SHISA9: variants seen among roughly 807,000 people sequenced by gnomAD.
SHISA9 encodes shisa family member 9.
In SHISA9, 13 loss-of-function variants were observed where a neutral mutation model predicts 38.0. The observed-to-expected ratio is 0.34, with a 90% CI of 0.22 to 0.54. The LOEUF (loss-of-function observed/expected upper bound fraction) is 0.54. Ranked by LOEUF, SHISA9 falls within the 20% of genes least tolerant of loss-of-function variation. The pLI is 0.91. For missense variants in SHISA9, 538 were observed against 575.8 expected (o/e 0.93, Z 0.67); for synonymous variants, 275 against 242.0 (o/e 1.14, Z -1.27).
At chr16:13,447,872 A>G in the SHISA9 span, among the ~76,000 whole-genome samples, 1 of 152,376 alleles carries the variant, frequency 6.6e-6, no homozygotes, top group African/African-American at 2.4e-5. Flanking sequence ...TGCATTTGCA[A>G]CAAAAATTAT....
the SHISA9 span, among the ~76,000 whole-genome samples, chr16:13,560,875 T>A: frequency 6.6e-6 from 1 of 152,178 alleles, no homozygotes; most frequent in Non-Finnish European, 1.5e-5. Flanking sequence ...TGTTTTGTTT[T>A]GTTTTTGAGA....
intron 2 of SHISA9, among the ~76,000 whole-genome samples, chr16:13,120,186 A>C (rs1269654351): frequency 6.6e-6 from 1 of 152,194 alleles, no homozygotes; most frequent in African/African-American, 2.4e-5. Flanking sequence ...TTAGATATAT[A>C]AATATTTCTT....
chr16:13,293,935 T>A, the SHISA9 span, among the ~76,000 whole-genome samples: 1 of 152,214 alleles, frequency 6.6e-6, no homozygotes, highest in Admixed American at 6.5e-5. Context: ...CTGTGTGTTG[T>A]GGTTTTGTTC....
intron 2 of SHISA9, among the ~76,000 whole-genome samples, chr16:13,183,769 A>T (rs1419077546): frequency 3.3e-5 from 5 of 152,126 alleles, no homozygotes; most frequent in Admixed American, 3.3e-4. Context: ...TAAGGTCCTG[A>T]TCTAATTGCT....
chr16:13,373,428 C>G, the SHISA9 span, among the ~76,000 whole-genome samples: 3 of 152,172 alleles, frequency 2.0e-5, no homozygotes, highest in Non-Finnish European at 4.4e-5. Context: ...CTTTGGGCTG[C>G]TCATTATTGT....
At chr16:13,519,360 T>C in the SHISA9 span, among the ~76,000 whole-genome samples, 1 of 152,194 alleles carries the variant, frequency 6.6e-6, no homozygotes, top group Non-Finnish European at 1.5e-5. Flanking sequence ...ACCGTAGCAA[T>C]TGATGAGATG....
the SHISA9 span, among the ~76,000 whole-genome samples, chr16:13,286,974 G>C: frequency 6.6e-6 from 1 of 152,080 alleles, no homozygotes; most frequent in African/African-American, 2.4e-5. Flanking sequence ...GTATATGATT[G>C]TGTATTTTTG....
chr16:13,309,974 G>A, the SHISA9 span, among the ~76,000 whole-genome samples: 1 of 152,032 alleles, frequency 6.6e-6, no homozygotes, highest in African/African-American at 2.4e-5. Flanking sequence ...TGCAACCTCT[G>A]CCTCCCAAGT....
chr16:13,390,035 C>T, the SHISA9 span, among the ~76,000 whole-genome samples: 4 of 152,158 alleles, frequency 2.6e-5, no homozygotes, highest in African/African-American at 7.2e-5. Flanking sequence ...GCAAAATATA[C>T]GACTTGAAAA....
chr16:13,234,890 C>T (rs1430808945), intron 4 of SHISA9, 140 bp from the exon 5 acceptor site: 5 of 956,970 alleles, frequency 5.2e-6, no homozygotes, highest in Non-Finnish European at 7.5e-6. Flanking sequence ...GGTGGAGTTT[C>T]TAGTGTGTCT....
the SHISA9 span, among the ~76,000 whole-genome samples, chr16:13,358,709 C>A: frequency 1.3e-5 from 2 of 152,170 alleles, no homozygotes; most frequent in Admixed American, 1.3e-4. Flanking sequence ...AGATGGGAAC[C>A]CCTCTCTGCC....
intron 4 of SHISA9, among the ~76,000 whole-genome samples, chr16:13,228,778 C>T (rs1158855336): frequency 1.3e-5 from 2 of 151,936 alleles, no homozygotes; most frequent in African/African-American, 2.4e-5. Flanking sequence ...GGGGGTTTGT[C>T]GTACAGATTA....
chr16:13,156,353 G>A (rs767801059), intron 2 of SHISA9, among the ~76,000 whole-genome samples: 7 of 152,158 alleles, frequency 4.6e-5, no homozygotes, highest in Non-Finnish European at 7.3e-5. Context: ...CTAAATGAGT[G>A]TTAGCCCATT....
the SHISA9 span, chr16:13,474,189 C>G: frequency 6.6e-6 from 1 of 152,268 alleles, no homozygotes; most frequent in Admixed American, 6.5e-5. Context: ...ACTTACATCC[C>G]TCTTCTTCTT....
intron 4 of SHISA9, among the ~76,000 whole-genome samples, chr16:13,230,275 A>T (rs2051319059): frequency 6.6e-6 from 1 of 152,180 alleles, no homozygotes; most frequent in South Asian, 2.1e-4. Context: ...TGACTAAATG[A>T]ATGAACAAAC....
intron 2 of SHISA9, among the ~76,000 whole-genome samples, chr16:13,126,074 C>G (rs1414807152): frequency 6.6e-6 from 1 of 152,220 alleles, no homozygotes; most frequent in African/African-American, 2.4e-5. Context: ...TTGACATATT[C>G]TAGCTACTGG....
At chr16:13,051,449 T>C (rs1186551121) in intron 2 of SHISA9, among the ~76,000 whole-genome samples, 1 of 152,188 alleles carries the variant, frequency 6.6e-6, no homozygotes, top group Non-Finnish European at 1.5e-5. Context: ...AGCAAAACCA[T>C]TTCAGTACTG....
chr16:12,916,011 G>GGTTTTTTTT (rs774277866), intron 1 of SHISA9, among the ~76,000 whole-genome samples: 2 of 90,446 alleles, frequency 2.2e-5, no homozygotes, highest in Admixed American at 1.4e-4. Flanking sequence ...GTGTGTGTGT[G>GGTTTTTTTT]TTTTTTTTTT....
At chr16:13,499,934 C>A in the SHISA9 span, among the ~76,000 whole-genome samples, 4 of 152,214 alleles carry the variant, frequency 2.6e-5, no homozygotes, top group African/African-American at 7.2e-5. Flanking sequence ...TTCACACATG[C>A]AGCCCTCAGA....
Sources: allele counts gnomAD v4.1 joint callset (sites outside exome capture counted in the v4.1 genomes callset), GRCh38; gene constraint gnomAD v4.1.1; transcripts MANE v1.5; gene names NCBI Gene and HGNC (gene_info 2026-07-23, HGNC 2026-07-21).